The following TINAG variants were observed in gnomAD, a reference collection of about 807,000 sequenced individuals.
TINAG encodes the protein tubulointerstitial nephritis antigen.
A neutral mutation model predicts 72.7 loss-of-function variants in TINAG; 83 were observed. The ratio of observed to expected loss-of-function variants is 1.14; its 90% CI spans 0.96 to 1.37. The LOEUF is 1.37. TINAG is among the 40% of genes most tolerant of loss of function. TINAG has a pLI of 0.00. For missense variants in TINAG, 685 were observed against 576.6 expected (o/e 1.19, Z -1.93); for synonymous variants, 234 against 189.9 (o/e 1.23, Z -1.91).
chr6:54,323,166 T>C (rs1784530434), intron 3 of TINAG, among the ~76,000 whole-genome samples: 1 of 152,334 alleles, frequency 6.6e-6, no homozygotes, highest in South Asian at 2.1e-4. Flanking sequence ...GGCATGGGCT[T>C]TGCATTTTAG....
At chr6:54,328,622 T>C (rs114424496) in intron 4 of TINAG, among the ~76,000 whole-genome samples, 2 of 151,840 alleles carry the variant, frequency 1.3e-5, no homozygotes, top group African/African-American at 4.8e-5. Context: ...GAGAATGAGT[T>C]TGATGAATTG....
At chr6:54,366,443 T>G (rs1224285431) in intron 9 of TINAG, among the ~76,000 whole-genome samples, 2 of 151,638 alleles carry the variant, frequency 1.3e-5, no homozygotes, top group Non-Finnish European at 3.0e-5. Flanking sequence ...GAACTACATG[T>G]TTAATATATA....
At chr6:54,371,109 A>AT (rs1763590062) in intron 9 of TINAG, among the ~76,000 whole-genome samples, 1 of 104,872 alleles carries the variant, frequency 9.5e-6, no homozygotes, top group Non-Finnish European at 2.2e-5. Context: ...ACTTACGAAA[A>AT]CTGTGTGTGT....
chr6:54,319,593 A>G (rs1784444775), intron 1 of TINAG, among the ~76,000 whole-genome samples: 1 of 152,148 alleles, frequency 6.6e-6, no homozygotes, highest in African/African-American at 2.4e-5. Context: ...AATATTTTTT[A>G]TTACAATATT....
chr6:54,309,602 A>G (rs1461753498), intron 1 of TINAG, among the ~76,000 whole-genome samples: 1 of 152,166 alleles, frequency 6.6e-6, no homozygotes, highest in East Asian at 1.9e-4. Flanking sequence ...TATTATATTT[A>G]TCTAATTGGA....
intron 9 of TINAG, among the ~76,000 whole-genome samples, chr6:54,380,316 AGTCTGTTC>A (rs1763907931): frequency 6.6e-6 from 1 of 152,084 alleles, no homozygotes; most frequent in African/African-American, 2.4e-5. Flanking sequence ...TATATAAATG[AGTCTGTTC>A]TGTGCACATA....
At chr6:54,308,082 T>C (rs1464186100), upstream of TINAG, 4 of 1,549,970 alleles carry the variant, frequency 2.6e-6, no homozygotes, top group East Asian at 4.9e-5. Context: ...GCCTGGATGT[T>C]CGTTTCAATG....
At chr6:54,373,901 T>C (rs1252943391) in intron 9 of TINAG, among the ~76,000 whole-genome samples, 3 of 152,132 alleles carry the variant, frequency 2.0e-5, no homozygotes, top group African/African-American at 7.2e-5. Context: ...CCCTAGTCAA[T>C]TGTCATTGAT....
chr6:54,357,089 A>G (rs9370291), intron 9 of TINAG, among the ~76,000 whole-genome samples: 58,213 of 151,710 alleles, frequency 0.38, 13,386 homozygotes, highest in Middle Eastern at 0.55. Context: ...CCTCTTCACA[A>G]AAATAGCTAT....
chr6:54,376,693 A>G (rs1349533105), intron 9 of TINAG, among the ~76,000 whole-genome samples: 1 of 152,168 alleles, frequency 6.6e-6, no homozygotes, highest in East Asian at 1.9e-4. Flanking sequence ...CATGCATGGA[A>G]ATATTAATAA....
At chr6:54,373,293 T>C (rs1240546763) in intron 9 of TINAG, among the ~76,000 whole-genome samples, 1 of 152,110 alleles carries the variant, frequency 6.6e-6, no homozygotes, top group African/African-American at 2.4e-5. Context: ...TTTCACGATT[T>C]CTCTGTGAAT....
At chr6:54,340,299 C>T (rs1784966444) in intron 4 of TINAG, among the ~76,000 whole-genome samples, 1 of 151,222 alleles carries the variant, frequency 6.6e-6, no homozygotes. Flanking sequence ...TCCTGTAAGT[C>T]TTTCTTAAAA....
At chr6:54,364,577 T>G (rs1237457557) in intron 9 of TINAG, among the ~76,000 whole-genome samples, 1 of 151,408 alleles carries the variant, frequency 6.6e-6, no homozygotes, top group African/African-American at 2.4e-5. Flanking sequence ...ATTTTAGGAT[T>G]CTTTAGTTTC....
chr6:54,377,540 T>G (rs1178340958), intron 9 of TINAG, among the ~76,000 whole-genome samples: 1 of 147,686 alleles, frequency 6.8e-6, no homozygotes, highest in African/African-American at 2.5e-5. Context: ...AAATAAGAAA[T>G]AACTTCAGTA....
intron 9 of TINAG, among the ~76,000 whole-genome samples, chr6:54,366,604 G>A (rs1726709200): frequency 6.9e-6 from 1 of 145,816 alleles, no homozygotes; most frequent in South Asian, 2.2e-4. Flanking sequence ...GGGAGGGAGG[G>A]AGAGAGAGAG....
At chr6:54,308,387 A>G (rs189443761), upstream of TINAG, 299 of 651,824 alleles carry the variant, frequency 4.6e-4, 1 homozygote, top group African/African-American at 5.0e-3. Flanking sequence ...GAAATTCTTG[A>G]TTAATGTTTA....
intron 1 of TINAG, among the ~76,000 whole-genome samples, chr6:54,319,362 T>G (rs1184800837): frequency 6.6e-6 from 1 of 152,176 alleles, no homozygotes; most frequent in Non-Finnish European, 1.5e-5. Context: ...ATGTAGCAAT[T>G]AAAACCATGA....
chr6:54,379,234 C>A (rs1306064932), intron 9 of TINAG, among the ~76,000 whole-genome samples: 2 of 152,062 alleles, frequency 1.3e-5, no homozygotes, highest in African/African-American at 4.8e-5. Context: ...ACAAGTGGGG[C>A]CTATATGTCT....
rs920985079 is a variant in TINAG at position 54,366,564 on chromosome 6, T to C, written c.1250+11928T>C. 2.7e-5 allele frequency among the ~76,000 whole-genome samples: 4 copies of C among 150,728 alleles called. No individual in the cohort carries two copies. The Admixed American group carries it at 2.7e-4, about 10-fold the overall frequency. On this transcript the variant is annotated intron_variant, in intron 9 of 10. Transcript: ENST00000259782. ...ACAAATATCAATAGAATAGTGCCTC[T>C]GTCCTCAGCATCGAGATAGAGAAGA...
Sources: gnomAD v4.1 joint callset for allele counts (sites outside exome capture counted in the v4.1 genomes callset) on GRCh38, gnomAD v4.1.1 for gene constraint, MANE v1.5 for transcripts, NCBI Gene and HGNC (gene_info 2026-07-23, HGNC 2026-07-21) for gene names.